Variants in PLXNA4 observed in about 807,000 individuals in gnomAD.
The protein encoded by PLXNA4 is plexin A4, also known as plexin-A4.
A neutral mutation model predicts 191.8 loss-of-function variants in PLXNA4; 44 were observed. That is an observed-to-expected ratio of 0.23 (90% CI 0.18 to 0.29). PLXNA4 has a LOEUF of 0.29. PLXNA4 is among the 10% of genes least tolerant of loss of function. The probability of loss-of-function intolerance (pLI) is 1.00; values close to 1 mark genes in which losing one functional copy is unlikely to be tolerated. For missense variants in PLXNA4, 1,800 were observed against 2,488.8 expected, an observed-to-expected ratio of 0.72 and a Z score of 5.89; for synonymous variants, 1,082 against 1,009.5, an observed-to-expected ratio of 1.07 and a Z score of -1.36.
intron 20 of PLXNA4, among the ~76,000 whole-genome samples, chr7:132,175,297 G>A (rs1796421280): frequency 6.6e-6 from 1 of 152,134 alleles, no homozygotes; most frequent in Non-Finnish European, 1.5e-5. Flanking sequence ...GGATGGGTAA[G>A]AGAAGGGAGA....
At chr7:132,220,255 G>A (rs1200204158) in intron 9 of PLXNA4, among the ~76,000 whole-genome samples, 1 of 152,112 alleles carries the variant, frequency 6.6e-6, no homozygotes, top group Non-Finnish European at 1.5e-5. Context: ...TTTCCTCTTT[G>A]CCACATTCAC....
At chr7:132,188,569 C>A (rs1043164699) in intron 14 of PLXNA4, among the ~76,000 whole-genome samples, 1 of 152,140 alleles carries the variant, frequency 6.6e-6, no homozygotes, top group African/African-American at 2.4e-5. Context: ...GGTCCAGGAT[C>A]AGGGCACATG....
chr7:132,170,440 C>G (rs1796250970), intron 21 of PLXNA4, among the ~76,000 whole-genome samples: 2 of 152,202 alleles, frequency 1.3e-5, no homozygotes, highest in African/African-American at 4.8e-5. Context: ...AAAGCTGATG[C>G]ACATCCCAGC....
chr7:132,348,241 A>G (rs1803328179), intron 3 of PLXNA4, among the ~76,000 whole-genome samples: 1 of 152,218 alleles, frequency 6.6e-6, no homozygotes, highest in South Asian at 2.1e-4. Flanking sequence ...CTAATCTTCT[A>G]TACAGAGATC....
At chr7:132,193,567 G>T (rs1797159818) in intron 14 of PLXNA4, among the ~76,000 whole-genome samples, 1 of 152,148 alleles carries the variant, frequency 6.6e-6, no homozygotes. Flanking sequence ...TAAAACAAAT[G>T]ATACTAGAAG....
chr7:132,241,121 C>T lies in PLXNA4; in HGVS notation c.1549G>A (p.Gly517Ser), dbSNP rs542202891. Residue 517 changes from glycine to serine, a missense_variant, in exon 5 of 32, where the codon GGC (glycine) becomes AGC (serine). Physicochemically the swap from Gly to Ser is moderately conservative, Grantham distance 56. Coordinates refer to ENST00000321063, the MANE Select transcript of PLXNA4 (RefSeq NM_020911.2). Reference protein sequence around the residue: ...VESCGQYQSCGECLGSGDPHC... With the variant: ...VESCGQYQSCSECLGSGDPHC... ...GGGTCGCCTGAGCCAAGGCACTCGC[C>T]GCAGCTCTGATACTGACCACAGGAC... 110 of 1,613,266 alleles carry T rather than the reference C, an allele frequency of 6.8e-5. No individual in the cohort carries two copies. Among genetic ancestry groups the T allele is most frequent in the Non-Finnish European group, 8.4e-5 (99 of 1,179,386 alleles).
intron 4 of PLXNA4, among the ~76,000 whole-genome samples, chr7:132,267,511 T>C (rs1392957455): frequency 1.3e-5 from 2 of 152,164 alleles, no homozygotes; most frequent in Non-Finnish European, 1.5e-5. Context: ...CAAATAGTCT[T>C]GGTAGAGGCT....
At chr7:132,562,270 G>GCCTCCTTCTCCTCCT (rs1312975144) in intron 1 of PLXNA4, among the ~76,000 whole-genome samples, 11 of 49,672 alleles carry the variant, frequency 2.2e-4, no homozygotes, top group African/African-American at 4.5e-4. Context: ...TTCTTTCTCT[G>GCCTCCTTCTCCTCCT]CCTCCTTCTC....
chr7:132,151,333 AAGGAGG>A (rs1297920846), intron 25 of PLXNA4, among the ~76,000 whole-genome samples: 5 of 36,412 alleles, frequency 1.4e-4, no homozygotes, highest in Admixed American at 1.3e-3. Context: ...GAGGAAGAAG[AAGGAGG>A]AGGAGGAGGA....
rs1030269309 is a variant in PLXNA4 at position 132,123,341 on chromosome 7, G to A, written c.*7138C>T. The A allele has an allele frequency of 6.6e-6, 1 of 151,974 alleles. No individual in the cohort carries two copies. Among genetic ancestry groups the A allele is most frequent in the Non-Finnish European group, 1.5e-5 (1 of 67,984 alleles). The allele number at this position is 151,974 out of a possible 1,614,324, so 9.4% of individuals were successfully genotyped here. A position where few individuals can be genotyped will look rare whatever the true frequency, so the allele number is the denominator to read the frequency against. On this transcript the variant is annotated 3_prime_UTR_variant, in exon 32 of 32. Transcript: ENST00000321063. Reference sequence around the variant, plus strand: ...AAAGAAGCACCCAAAATCCCAAACTGCATTTTTATTATTTTTTAATAAACT... The same window carrying A: ...AAAGAAGCACCCAAAATCCCAAACTACATTTTTATTATTTTTTAATAAACT...
intron 14 of PLXNA4, among the ~76,000 whole-genome samples, chr7:132,188,977 AGGAAAGGAAAGGAAAG>A (rs1434831436): frequency 1.8e-5 from 1 of 54,084 alleles, no homozygotes. Context: ...AGGAAAGGAA[AGGAAAGGAAAGGAAAG>A]GAGAGAGAGA....
intron 3 of PLXNA4, among the ~76,000 whole-genome samples, chr7:132,340,121 G>A (rs1008955610): frequency 2.0e-5 from 3 of 152,158 alleles, no homozygotes; most frequent in African/African-American, 7.2e-5. Context: ...CTTTTGACCA[G>A]TCCCTGAGGG....
rs1796573477 is a variant in PLXNA4 at position 132,509,000 on chromosome 7, GTGA to G, written c.-86-224_-86-222del. ...GGACACATCAGTAACGATAATGGTGGTGATGATAATGACATGATAATAGCAGTG... is the reference window on the plus strand; with the variant it reads ...GGACACATCAGTAACGATAATGGTGGTGATAATGACATGATAATAGCAGTG... On this transcript the variant is annotated intron_variant, in intron 1 of 31. Coordinates refer to ENST00000321063, the MANE Select transcript of PLXNA4 (RefSeq NM_020911.2). The surrounding 1 kb of genome is among the most constrained non-coding windows in gnomAD (Gnocchi z 4.4). Among the ~76,000 whole-genome samples, 2 of 123,566 alleles carry G rather than the reference GTGA, an allele frequency of 1.6e-5. No individual in the cohort carries two copies. Among genetic ancestry groups the G allele is most frequent in the Admixed American group, 1.8e-4 (2 of 11,348 alleles). 81.1% of individuals were successfully genotyped at this position (123,566 alleles called of 152,430 possible).
intron 4 of PLXNA4, among the ~76,000 whole-genome samples, chr7:132,251,309 A>G (rs576793064): frequency 6.6e-6 from 1 of 152,302 alleles, no homozygotes. Context: ...TGACACAGAC[A>G]AAGACTATGG....
intron 3 of PLXNA4, among the ~76,000 whole-genome samples, chr7:132,453,722 A>G (rs1449462228): frequency 6.6e-6 from 1 of 152,032 alleles, no homozygotes; most frequent in Admixed American, 6.6e-5. Context: ...TTGTATTTTT[A>G]GTAGAGATGG....
intron 1 of PLXNA4, among the ~76,000 whole-genome samples, chr7:132,570,899 T>C (rs117312612): frequency 7.8e-4 from 119 of 152,288 alleles, no homozygotes; most frequent in Non-Finnish European, 1.1e-3. Flanking sequence ...CCAACACCTG[T>C]TGGTTTCAGT....
intron 3 of PLXNA4, among the ~76,000 whole-genome samples, chr7:132,434,645 G>A (rs1795399539): frequency 6.6e-6 from 1 of 152,102 alleles, no homozygotes; most frequent in Non-Finnish European, 1.5e-5. Flanking sequence ...AACATCTTTG[G>A]GATGAAACGT....
intron 3 of PLXNA4, among the ~76,000 whole-genome samples, chr7:132,399,845 C>T (rs183921050): frequency 9.2e-5 from 14 of 152,202 alleles, no homozygotes; most frequent in Non-Finnish European, 1.9e-4. Context: ...AAGATGTACA[C>T]GCAATGAAAT....
intron 20 of PLXNA4, among the ~76,000 whole-genome samples, chr7:132,178,677 CTGCT>C (rs1320442056): frequency 6.6e-6 from 1 of 150,534 alleles, no homozygotes; most frequent in Non-Finnish European, 1.5e-5. Context: ...GCTGCCTGGC[CTGCT>C]TGCTTGTAAA....
Sources: gnomAD v4.1 joint callset for allele counts (sites outside exome capture counted in the v4.1 genomes callset) on GRCh38, gnomAD v4.1.1 for gene constraint, Gnocchi (gnomAD v3.1) non-coding constraint, MANE v1.5 for transcripts, NCBI Gene and HGNC (gene_info 2026-07-23, HGNC 2026-07-21) for gene names.